The following SLC6A3 variants were observed in gnomAD, a reference collection of about 807,000 sequenced individuals.
SLC6A3 encodes the protein solute carrier family 6 member 3, also known as sodium-dependent dopamine transporter.
A neutral mutation model predicts 70.4 loss-of-function variants in SLC6A3; 19 were observed. The observed-to-expected ratio is 0.27, with a 90% CI of 0.19 to 0.40. The LOEUF is 0.40. Ranked by LOEUF, SLC6A3 falls within the 10% of genes least tolerant of loss-of-function variation. The pLI is 1.00. For synonymous variants in SLC6A3, 368 were observed against 356.6 expected, an observed-to-expected ratio of 1.03 and a Z score of -0.36; for missense variants, 613 against 838.5, an observed-to-expected ratio of 0.73 and a Z score of 3.32.
Position 1,402,842 on chromosome 5 carries a change from G to T in SLC6A3, c.1767+80C>A. On this transcript the variant is annotated intron_variant, in intron 13 of 14. Transcript: ENST00000270349. The surrounding 1 kb of genome is among the most constrained non-coding windows in gnomAD (Gnocchi z 8.5). ...TTGGTCACAGATGACCCAGGCAGGT[G>T]AGGACTGGGGCCATGGACACCCACG... is the stretch of plus-strand genomic sequence containing the variant. The T allele has an allele frequency of 1.4e-6, 2 of 1,413,948 alleles. No individual in the cohort carries two copies. The highest frequency in any genetic ancestry group is 2.8e-5 in the African/African-American group (2 of 70,644). 87.6% of individuals were successfully genotyped at this position (1,413,948 alleles called of 1,614,324 possible). A position where few individuals can be genotyped will look rare whatever the true frequency, so the allele number is the denominator to read the frequency against.
At chr5:1,427,994 A>G (rs760290560) in intron 4 of SLC6A3, among the ~76,000 whole-genome samples, 12 of 152,318 alleles carry the variant, frequency 7.9e-5, no homozygotes, top group Non-Finnish European at 1.8e-4. Flanking sequence ...GTGACCTAAC[A>G]TAACCTCTCT....
chr5:1,443,119 T>C lies in SLC6A3; in HGVS notation c.79A>G (p.Lys27Glu). 6.2e-7 allele frequency: 1 copy of C among 1,614,250 alleles called. No homozygotes were observed. The highest frequency in any genetic ancestry group is 8.5e-7 in the Non-Finnish European group (1 of 1,180,042). Residue 27 changes from lysine to glutamate, a missense_variant, in exon 2 of 15, where the codon AAG becomes GAG. This residue lies in a region of SLC6A3 where 111 missense variants were observed against 91.6 expected (regional missense o/e 1.21). Coordinates refer to ENST00000270349, the MANE Select transcript of SLC6A3 (RefSeq NM_001044.5). Reference sequence around the variant, plus strand: ...TTGACAAGGATGAGCTCCACCTCCTTCGGGCCCACGGCATTGGGCTCCTTA... The same window carrying C: ...TTGACAAGGATGAGCTCCACCTCCTCCGGGCCCACGGCATTGGGCTCCTTA... ...PAKEPNAVGP[K>E]EVELILVKEQ...
chr5:1,405,634 A>G lies in SLC6A3; in HGVS notation c.1599+554T>C, dbSNP rs1461868735. 6.6e-6 allele frequency among the ~76,000 whole-genome samples: 1 copy of G among 152,242 alleles called. No individual in the cohort carries two copies. Among genetic ancestry groups the G allele is most frequent in the Non-Finnish European group, 1.5e-5 (1 of 68,010 alleles). On this transcript the variant is annotated intron_variant, in intron 12 of 14. Transcript: ENST00000270349. This position sits in a 1 kb window ranked among gnomAD's most constrained non-coding sequence, Gnocchi z 5.3. ...AATGAAAGTGTGCGGCCACCTTCCAACAAAACTCTATTTACAAACACCAGC... is the reference window on the plus strand; with the variant it reads ...AATGAAAGTGTGCGGCCACCTTCCAGCAAAACTCTATTTACAAACACCAGC...
In SLC6A3 at chr5:1,416,465, G is replaced by A. The variant is rs994388069; in HGVS notation, c.928-264C>T. On this transcript the variant is annotated intron_variant, in intron 6 of 14. Transcript: ENST00000270349. ...ATTCCCCATGGAGTATCAAGGCAGC[G>A]ATTCCACAGAACCAGAGGTGCCCTG... The A allele has an allele frequency of 3.9e-5, 22 of 569,370 alleles. 1 individual carries two copies. The highest frequency in any genetic ancestry group is 9.5e-4 in the Middle Eastern group (2 of 2,104). 35.3% of individuals were successfully genotyped at this position (569,370 alleles called of 1,614,324 possible).
chr5:1,419,132 T>TCATCCATCCATCCATCCATC (rs1184441266), intron 6 of SLC6A3, among the ~76,000 whole-genome samples: 1 of 149,232 alleles, frequency 6.7e-6, no homozygotes. Context: ...CATCATCCAT[T>TCATCCATCCATCCATCCATC]CATCCATCCA....
At position 1,402,434 on chromosome 5, in the gene SLC6A3, G is replaced by A. The variant is rs1755871057; in HGVS notation, c.1767+488C>T. On this transcript the variant is annotated intron_variant, in intron 13 of 14. Coordinates refer to ENST00000270349, the MANE Select transcript of SLC6A3 (RefSeq NM_001044.5). This position sits in a 1 kb window ranked among gnomAD's most constrained non-coding sequence, Gnocchi z 8.5. ...CCCCTGTTCAGCCAAAGTTGGGCTCGGCCCTGGGGGGACCTAGATCACCCC... is the reference window on the plus strand; with the variant it reads ...CCCCTGTTCAGCCAAAGTTGGGCTCAGCCCTGGGGGGACCTAGATCACCCC... 1.3e-5 allele frequency among the ~76,000 whole-genome samples: 2 copies of A among 151,918 alleles called. No homozygotes were observed. Among genetic ancestry groups the A allele is most frequent in the South Asian group, 2.1e-4 (1 of 4,814 alleles).
At chr5:1,409,311 C>T (rs969987305) in intron 10 of SLC6A3, among the ~76,000 whole-genome samples, 186 bp from the exon 11 acceptor site, 31 of 152,210 alleles carry the variant, frequency 2.0e-4, no homozygotes, top group African/African-American at 7.0e-4. Context: ...TAAAAATGAC[C>T]TCTCCTTTCC....
intron 6 of SLC6A3, among the ~76,000 whole-genome samples, chr5:1,419,329 A>G (rs1375441949): frequency 1.4e-5 from 2 of 144,166 alleles, no homozygotes; most frequent in Non-Finnish European, 3.1e-5. Context: ...GCATTCATCC[A>G]TCCATCCATC....
At position 1,414,764 on chromosome 5, in the gene SLC6A3, G is replaced by C; in HGVS notation, c.1083C>G (p.Gly361=). ...SINSLTSFSS[G]FVVFSFLGYM... ...ACCCCAGGAAGGAGAAGACGACGAA[G>C]CCGGAGGAGAAGCTCGTCAGGGAGT... Residue 361 remains glycine, a synonymous_variant, in exon 8 of 15, where the codon GGC becomes GGG. Transcript: ENST00000270349. 1.9e-6 allele frequency: 3 copies of C among 1,612,930 alleles called. No homozygotes were observed. Among genetic ancestry groups the C allele is most frequent in the Non-Finnish European group, 2.5e-6 (3 of 1,179,890 alleles).
chr5:1,422,052 T>C, intron 4 of SLC6A3, 38 bp from the exon 5 acceptor site: 2 of 1,600,270 alleles, frequency 1.2e-6, no homozygotes, highest in Non-Finnish European at 1.7e-6. Flanking sequence ...TGTGGGTGGC[T>C]GTCAACCCAC....
In SLC6A3 at chr5:1,421,179, T is replaced by TTTG. The variant is rs34049355; in HGVS notation, c.793-477_793-476insCAA. ...GTTTTGGCCCATATAACAACCAAAG[T>TTTG]TTTTTTTTTTTTTTTGAGATGGAGT... On this transcript the variant is annotated intron_variant, in intron 5 of 14. Coordinates refer to ENST00000270349, the MANE Select transcript of SLC6A3 (RefSeq NM_001044.5). The surrounding 1 kb of genome is among the most constrained non-coding windows in gnomAD (Gnocchi z 7.2). 0.034 allele frequency among the ~76,000 whole-genome samples: 2,983 copies of TTTG among 86,706 alleles called. 110 individuals carry two copies. The highest frequency in any genetic ancestry group is 0.085 in the African/African-American group (2,739 of 32,372). The allele number at this position is 86,706 out of a possible 152,430, so 56.9% of individuals were successfully genotyped here. A position where few individuals can be genotyped will look rare whatever the true frequency, so the allele number is the denominator to read the frequency against.
intron 3 of SLC6A3, among the ~76,000 whole-genome samples, chr5:1,433,748 G>A (rs1344660956): frequency 6.7e-6 from 1 of 150,320 alleles, no homozygotes; most frequent in Non-Finnish European, 1.5e-5. Flanking sequence ...ACCATTCATG[G>A]CCACCCACAT....
Position 1,442,405 on chromosome 5 carries a change from T to C in SLC6A3, c.286+507A>G, listed in dbSNP as rs1733695668. On this transcript the variant is annotated intron_variant, in intron 2 of 14. Transcript: ENST00000270349. This position sits in a 1 kb window ranked among gnomAD's most constrained non-coding sequence, Gnocchi z 5.0. ...TCCTGGGAAGGGATCACCAATGTTC[T>C]TGGACGTCCCCGGTGGCCCTGCCTC... Among the ~76,000 whole-genome samples the C allele has an allele frequency of 6.6e-6, 1 of 152,098 alleles. No individual in the cohort carries two copies. The highest frequency in any genetic ancestry group is 6.5e-5 in the Admixed American group (1 of 15,272).
At chr5:1,417,709 G>A (rs1302539800) in intron 6 of SLC6A3, among the ~76,000 whole-genome samples, 1 of 152,128 alleles carries the variant, frequency 6.6e-6, no homozygotes, top group African/African-American at 2.4e-5. Context: ...TTGGATGGGG[G>A]AGAAGGAGCA....
chr5:1,415,025 C>T (rs1756250608), intron 7 of SLC6A3, among the ~76,000 whole-genome samples: 1 of 152,170 alleles, frequency 6.6e-6, no homozygotes, highest in African/African-American at 2.4e-5. Context: ...GCTCAAGGCT[C>T]AGCCATCAAG....
intron 9 of SLC6A3, among the ~76,000 whole-genome samples, chr5:1,410,849 T>G (rs145164234): frequency 6.6e-6 from 1 of 151,906 alleles, no homozygotes; most frequent in East Asian, 1.9e-4. Flanking sequence ...TTCGTGTGTG[T>G]TCATGTATGT....
intron 4 of SLC6A3, among the ~76,000 whole-genome samples, chr5:1,429,729 T>A (rs906680732): frequency 6.6e-6 from 1 of 152,216 alleles, no homozygotes; most frequent in Admixed American, 6.5e-5. Context: ...TGGTGGCACC[T>A]CTGCGGCCAC....
At chr5:1,422,894 A>C (rs1579716499) in intron 4 of SLC6A3, among the ~76,000 whole-genome samples, 2 of 71,502 alleles carry the variant, frequency 2.8e-5, no homozygotes, top group Non-Finnish European at 4.9e-5. Flanking sequence ...ACCGCTGCCC[A>C]CAGTGCTGCC....
Position 1,411,419 on chromosome 5 carries a change from C to G in SLC6A3, c.1157-64G>C. The G allele has an allele frequency of 8.1e-7, 1 of 1,230,866 alleles. No individual in the cohort carries two copies. The highest frequency in any genetic ancestry group is 1.3e-5 in the South Asian group (1 of 77,620). 76.2% of individuals were successfully genotyped at this position (1,230,866 alleles called of 1,614,324 possible). Reference sequence around the variant, plus strand: ...CTGTGCTCTCCCGCCCATCCTGCCCCACCCCGCCCCGAGAAGCATGGCCTG... The same window carrying G: ...CTGTGCTCTCCCGCCCATCCTGCCCGACCCCGCCCCGAGAAGCATGGCCTG... On this transcript the variant is annotated intron_variant, in intron 8 of 14. Transcript: ENST00000270349. This position sits in a 1 kb window ranked among gnomAD's most constrained non-coding sequence, Gnocchi z 6.5.
Sources: gnomAD v4.1 joint callset for allele counts (sites outside exome capture counted in the v4.1 genomes callset) on GRCh38, gnomAD v4.1.1 for gene constraint, gnomAD v4.1.1 regional missense constraint, Gnocchi (gnomAD v3.1) non-coding constraint, MANE v1.5 for transcripts, NCBI Gene and HGNC (gene_info 2026-07-23, HGNC 2026-07-21) for gene names.